The following SLIT2 variants were observed in gnomAD, a reference collection of about 807,000 sequenced individuals.
SLIT2 encodes slit homolog 2 protein.
In SLIT2, 41 loss-of-function variants were observed where a neutral mutation model predicts 185.7. The observed-to-expected ratio is 0.22, with a 90% CI of 0.17 to 0.29. The LOEUF is 0.29. Ranked by LOEUF, SLIT2 falls within the 10% of genes least tolerant of loss-of-function variation. The probability of loss-of-function intolerance (pLI) is 1.00; values close to 1 mark genes in which losing one functional copy is unlikely to be tolerated. For missense variants in SLIT2, 1,571 were observed against 1,909.0 expected, an observed-to-expected ratio of 0.82 and a Z score of 3.30; for synonymous variants, 693 against 680.2, an observed-to-expected ratio of 1.02 and a Z score of -0.29.
chr4:20,327,305 T>G (rs1323352412), intron 4 of SLIT2, among the ~76,000 whole-genome samples: 3 of 152,016 alleles, frequency 2.0e-5, no homozygotes, highest in Non-Finnish European at 4.4e-5. Context: ...AACTGCTTAT[T>G]TACTTTCCAC....
At chr4:20,338,965 T>C (rs1482433359) in intron 4 of SLIT2, among the ~76,000 whole-genome samples, 1 of 151,620 alleles carries the variant, frequency 6.6e-6, no homozygotes, top group African/African-American at 2.4e-5. Context: ...TGGTGGCGTG[T>C]GCCTGTAGTC....
At chr4:20,377,481 G>C (rs763886944) in intron 4 of SLIT2, among the ~76,000 whole-genome samples, 13 of 152,098 alleles carry the variant, frequency 8.5e-5, no homozygotes, top group Admixed American at 3.3e-4. Flanking sequence ...CTGTCATGCA[G>C]AGTTATAAGT....
At chr4:20,268,782 A>C in intron 3 of SLIT2, 28 bp from the exon 4 acceptor site, 2 of 1,489,722 alleles carry the variant, frequency 1.3e-6, no homozygotes, top group Non-Finnish European at 1.9e-6. Flanking sequence ...TCTATGTAAC[A>C]TAAGCTTTGT....
At chr4:20,261,639 T>C (rs1334856974) in intron 3 of SLIT2, among the ~76,000 whole-genome samples, 1 of 151,876 alleles carries the variant, frequency 6.6e-6, no homozygotes, top group African/African-American at 2.4e-5. Context: ...TCCTTGATAA[T>C]ACAAATGCAA....
intron 4 of SLIT2, among the ~76,000 whole-genome samples, chr4:20,292,750 G>A (rs951936645): frequency 6.6e-6 from 1 of 152,114 alleles, no homozygotes; most frequent in Non-Finnish European, 1.5e-5. Flanking sequence ...GTATTTGTCT[G>A]TTTTTTGAAG....
intron 5 of SLIT2, among the ~76,000 whole-genome samples, chr4:20,471,743 A>G (rs1484192496): frequency 2.0e-5 from 3 of 152,286 alleles, no homozygotes; most frequent in East Asian, 3.9e-4. Context: ...GTATCCCAAC[A>G]ATATGAAATT....
At chr4:20,449,450 A>G (rs2148711729) in intron 4 of SLIT2, among the ~76,000 whole-genome samples, 1 of 152,202 alleles carries the variant, frequency 6.6e-6, no homozygotes. Flanking sequence ...ACTCTGTCGC[A>G]TAGACTGGAG....
intron 8 of SLIT2, among the ~76,000 whole-genome samples, chr4:20,489,613 G>A (rs1311463556): frequency 2.6e-5 from 4 of 151,828 alleles, no homozygotes; most frequent in Non-Finnish European, 5.9e-5. Flanking sequence ...GCAAAACCCC[G>A]TCCTTTCTAA....
chr4:20,336,254 C>A (rs1197094658), intron 4 of SLIT2, among the ~76,000 whole-genome samples: 1 of 152,116 alleles, frequency 6.6e-6, no homozygotes, highest in Admixed American at 6.6e-5. Flanking sequence ...TGTGAAGACA[C>A]ACAATAACAA....
intron 20 of SLIT2, among the ~76,000 whole-genome samples, chr4:20,541,896 A>T (rs1722827687): frequency 6.6e-6 from 1 of 152,092 alleles, no homozygotes; most frequent in Non-Finnish European, 1.5e-5. Context: ...ACTTTTCTTT[A>T]TTACCCTAGG....
Position 20,577,731 on chromosome 4 carries a change from C to G in SLIT2, c.3088+8727C>G, listed in dbSNP as rs1726195685. Among the ~76,000 whole-genome samples the G allele has an allele frequency of 2.0e-5, 3 of 152,212 alleles. No homozygotes were observed. In the South Asian group the frequency reaches 6.2e-4, roughly 31 times the overall value. On this transcript the variant is annotated intron_variant, in intron 29 of 36. Transcript: ENST00000504154. ...ATAGATCATCAGTCTCTCTGCCACA[C>G]TGCATGGTCTGTAGGAGTAGAGAGA...
intron 11 of SLIT2, among the ~76,000 whole-genome samples, chr4:20,511,595 T>TTTTTTTTATTTTTTTTA (rs1553915400): frequency 7.3e-6 from 1 of 137,830 alleles, no homozygotes; most frequent in Admixed American, 7.4e-5. Context: ...TAATTTTTTT[T>TTTTTTTTATTTTTTTTA]TTTTTTTTAT....
rs537205854 is a variant in SLIT2, at chr4:20,536,326, C to T, written c.1832+2611C>T. On this transcript the variant is annotated intron_variant, in intron 18 of 36. Coordinates refer to ENST00000504154, the MANE Select transcript of SLIT2 (RefSeq NM_004787.4). ...ATTCCAGCACTTTGGGAGGCCAAGGCGGGTGGATTACTTGAGGTCAGGAGT... is the reference window on the plus strand; with the variant it reads ...ATTCCAGCACTTTGGGAGGCCAAGGTGGGTGGATTACTTGAGGTCAGGAGT... Among the ~76,000 whole-genome samples the T allele has an allele frequency of 7.2e-5, 11 of 152,090 alleles. No individual in the cohort carries two copies. The East Asian group carries it at 1.5e-3, about 21-fold the overall frequency.
At chr4:20,262,133 T>C (rs1712536483) in intron 3 of SLIT2, among the ~76,000 whole-genome samples, 1 of 151,866 alleles carries the variant, frequency 6.6e-6, no homozygotes, top group Admixed American at 6.6e-5. Context: ...TCTTTTTAAA[T>C]TAGAAAAGTC....
At chr4:20,372,728 T>G (rs1483447635) in intron 4 of SLIT2, among the ~76,000 whole-genome samples, 1 of 152,050 alleles carries the variant, frequency 6.6e-6, no homozygotes, top group Non-Finnish European at 1.5e-5. Context: ...TAGGAGACTT[T>G]TAAGCCCACT....
chr4:20,500,827 T>G (rs1404155312), intron 9 of SLIT2, among the ~76,000 whole-genome samples: 1 of 152,174 alleles, frequency 6.6e-6, no homozygotes, highest in Non-Finnish European at 1.5e-5. Flanking sequence ...TTCTCAAATT[T>G]TCTTCTGAGA....
rs117920814 is a variant in SLIT2 at position 20,368,622 on chromosome 4, G to T, written c.396-99130G>T. On this transcript the variant is annotated intron_variant, in intron 4 of 36. Coordinates refer to ENST00000504154, the MANE Select transcript of SLIT2 (RefSeq NM_004787.4). ...AATTTGAACACCTGTGCAGGAATCT[G>T]AAAAAATTTCATTCTAAGTAATTCT... 3.3e-5 allele frequency among the ~76,000 whole-genome samples: 5 copies of T among 152,170 alleles called. No homozygotes were observed. The East Asian group carries it at 9.7e-4, about 29-fold the overall frequency.
chr4:20,558,936 A>G (rs1386686724), intron 26 of SLIT2, among the ~76,000 whole-genome samples: 2 of 152,002 alleles, frequency 1.3e-5, no homozygotes, highest in Non-Finnish European at 2.9e-5. Context: ...AAACTGAAAT[A>G]TACATGCATG....
In SLIT2 at chr4:20,619,078, C is replaced by CA; in HGVS notation, c.*69_*70insA. The CA allele has an allele frequency of 7.0e-7, 1 of 1,419,256 alleles. No homozygotes were observed. Among genetic ancestry groups the CA allele is most frequent in the Non-Finnish European group, 9.7e-7 (1 of 1,032,116 alleles). The allele number at this position is 1,419,256 out of a possible 1,614,324, so 87.9% of individuals were successfully genotyped here. On this transcript the variant is annotated 3_prime_UTR_variant, in exon 37 of 37. Coordinates refer to ENST00000504154, the MANE Select transcript of SLIT2 (RefSeq NM_004787.4). ...CTTGACCGTGTGGGACTAATGAATG[C>CA]TTCATAGTGGAAATATTTGAAATAT...
Sources: gnomAD v4.1 joint callset for allele counts (sites outside exome capture counted in the v4.1 genomes callset) on GRCh38, gnomAD v4.1.1 for gene constraint, MANE v1.5 for transcripts, NCBI Gene and HGNC (gene_info 2026-07-23, HGNC 2026-07-21) for gene names.